The following SP140 variants were observed in gnomAD, a reference collection of about 807,000 sequenced individuals.
SP140 encodes SP140 nuclear body protein, also known as nuclear body protein SP140.
A neutral mutation model predicts 125.0 loss-of-function variants in SP140; 81 were observed. The ratio of observed to expected loss-of-function variants is 0.65; its 90% CI spans 0.54 to 0.78. SP140 has a LOEUF of 0.78. Among genes scored for constraint, SP140 ranks in the 30% least tolerant of loss-of-function variants. SP140 has a pLI of 0.00. For missense variants in SP140, 858 were observed against 1,037.0 expected (o/e 0.83, Z 2.37); for synonymous variants, 312 against 354.0 (o/e 0.88, Z 1.33).
At chr2:230,305,659 C>T (rs1229711825) in intron 22 of SP140, among the ~76,000 whole-genome samples, 1 of 152,344 alleles carries the variant, frequency 6.6e-6, no homozygotes, top group African/African-American at 2.4e-5. Flanking sequence ...CACTTGCACA[C>T]GTAGCGTGGG....
chr2:230,201,020 C>T (rs2043131541), upstream of SP140: 3 of 1,377,936 alleles, frequency 2.2e-6, no homozygotes, highest in Admixed American at 3.3e-5. Flanking sequence ...TGGAGAATCT[C>T]CCAGAGACCC....
Position 230,211,562 on chromosome 2 carries a change from AG to A in SP140, c.-322-2090del. On this transcript the variant is annotated intron_variant, in intron 1 of 4. Transcript: ENST00000456542. This position sits in a 1 kb window ranked among gnomAD's most constrained non-coding sequence, Gnocchi z 4.2. ...CAGGTTGTCACTGGCCACTGAATGGAGGAAGAAAAAGTTTTAGATCTCAGGA... is the reference window on the plus strand; with the variant it reads ...CAGGTTGTCACTGGCCACTGAATGGAGAAGAAAAAGTTTTAGATCTCAGGA... The A allele has an allele frequency of 6.4e-7, 1 of 1,558,228 alleles. No homozygotes were observed. The highest frequency in any genetic ancestry group is 2.2e-5 in the East Asian group (1 of 44,610).
intron 17 of SP140, 43 bp downstream of exon 17, chr2:230,285,875 A>G: frequency 6.8e-7 from 1 of 1,469,346 alleles, no homozygotes; most frequent in Non-Finnish European, 9.5e-7. Context: ...CTACAGGTCA[A>G]TACAAATTTT....
At position 230,216,725 on chromosome 2, in the gene SP140, T is replaced by G. The variant is rs2045222054; in HGVS notation, c.-91+2651T>G. On this transcript the variant is annotated intron_variant, in intron 3 of 4. Coordinates refer to the SP140 transcript ENST00000456542. ...GGTGGTTTGTGGTTTGAGACTTTAATAATCAGGCATATTGGTGGGGGCTGG... is the reference window on the plus strand; with the variant it reads ...GGTGGTTTGTGGTTTGAGACTTTAAGAATCAGGCATATTGGTGGGGGCTGG... 3.1e-6 allele frequency: 5 copies of G among 1,604,192 alleles called. No homozygotes were observed. The Admixed American group carries it at 8.3e-5, about 27-fold the overall frequency.
chr2:230,250,881 TG>T, intron 9 of SP140, 99 bp from the exon 10 acceptor site: 1 of 1,340,410 alleles, frequency 7.5e-7, no homozygotes, highest in Non-Finnish European at 1.1e-6. Flanking sequence ...CAGGAGGGCC[TG>T]GGTGATGGAC....
At chr2:230,267,381 T>C (rs1235515877) in intron 12 of SP140, among the ~76,000 whole-genome samples, 1 of 152,236 alleles carries the variant, frequency 6.6e-6, no homozygotes, top group Non-Finnish European at 1.5e-5. Flanking sequence ...GGTAGTTCTA[T>C]TTGCAGAATA....
upstream of SP140, among the ~76,000 whole-genome samples, chr2:230,222,938 T>C (rs978441411): frequency 3.0e-4 from 46 of 151,802 alleles, no homozygotes; most frequent in African/African-American, 9.7e-4. Context: ...GATTCATCTC[T>C]GTTGTTGTGG....
Position 230,248,065 on chromosome 2 carries a change from G to T in SP140, c.892G>T (p.Glu298Ter). 6.2e-7 allele frequency: 1 copy of T among 1,613,066 alleles called. No homozygotes were observed. The highest frequency in any genetic ancestry group is 8.5e-7 in the Non-Finnish European group (1 of 1,179,544). The change falls in exon 8 of 27, where the codon GAG (glutamate) becomes TAG (stop). Residue 298 changes from glutamate to a stop codon, truncating the protein, a stop_gained and splice_region_variant. Coordinates refer to ENST00000392045, the MANE Select transcript of SP140 (RefSeq NM_007237.5). LOFTEE classifies it high-confidence loss of function. ...AGAGAGTCCAGAGGGAAGAGACAAA[G>T]GTAGGAACAGAAGAAGCAGAGACAT... Reference protein sequence around the residue: ...YQESPEGRDKETFDLKTPQVT... With the variant: ...YQESPEGRDK
chr2:230,245,149 C>G, intron 6 of SP140, 69 bp downstream of exon 6: 2 of 986,244 alleles, frequency 2.0e-6, no homozygotes, highest in South Asian at 1.4e-5. Context: ...ACCAACACTT[C>G]CTTCTCTCTC....
At chr2:230,207,293 G>C (rs1166534248) in intron 1 of SP140, among the ~76,000 whole-genome samples, 2 of 152,116 alleles carry the variant, frequency 1.3e-5, no homozygotes, top group African/African-American at 4.8e-5. Flanking sequence ...CATTGCCTTT[G>C]GGTTTGTGTA....
At chr2:230,263,385 A>G (rs2052583691) in intron 12 of SP140, among the ~76,000 whole-genome samples, 1 of 152,062 alleles carries the variant, frequency 6.6e-6, no homozygotes, top group Non-Finnish European at 1.5e-5. Context: ...AAGGCAGCAG[A>G]TGGTTGGTGA....
intron 1 of SP140, among the ~76,000 whole-genome samples, chr2:230,235,560 A>G (rs903159077): frequency 6.6e-6 from 1 of 152,166 alleles, no homozygotes; most frequent in Admixed American, 6.5e-5. Context: ...CCTCTATTCT[A>G]TCCTGATGCA....
chr2:230,243,225 T>C (rs1198826221), intron 4 of SP140, among the ~76,000 whole-genome samples: 1 of 152,210 alleles, frequency 6.6e-6, no homozygotes, highest in Admixed American at 6.5e-5. Context: ...TGTCCCACTA[T>C]CCTCCATTTA....
upstream of SP140, among the ~76,000 whole-genome samples, chr2:230,225,128 T>A (rs1004626414): frequency 2.0e-4 from 30 of 152,176 alleles, no homozygotes; most frequent in African/African-American, 6.8e-4. Flanking sequence ...TCCTCAAGAT[T>A]TCAGTGAAAT....
intron 15 of SP140, among the ~76,000 whole-genome samples, chr2:230,277,997 C>T (rs2054976233): frequency 6.6e-6 from 1 of 151,956 alleles, no homozygotes. Flanking sequence ...AAATTCATAC[C>T]CCAAAGTGAG....
chr2:230,244,591 C>T lies in SP140; in HGVS notation c.572-397C>T, dbSNP rs79783171. Among the ~76,000 whole-genome samples, 12 of 151,918 alleles carry T rather than the reference C, an allele frequency of 7.9e-5. No individual in the cohort carries two copies. The South Asian group carries it at 1.2e-3, about 16-fold the overall frequency. ...CAGAGCAGGGAAAAGCAGAGAGAAA[C>T]GGTAAGATTGGAATCTGCCATGTGG... On this transcript the variant is annotated intron_variant, in intron 5 of 26. Coordinates refer to ENST00000392045, the MANE Select transcript of SP140 (RefSeq NM_007237.5).
At chr2:230,215,627 GA>G (rs2045065585) in intron 3 of SP140, among the ~76,000 whole-genome samples, 1 of 152,180 alleles carries the variant, frequency 6.6e-6, no homozygotes, top group African/African-American at 2.4e-5. Context: ...TCCTTGCCTA[GA>G]GGATGGACAA....
At chr2:230,260,365 G>A (rs943549669) in intron 12 of SP140, among the ~76,000 whole-genome samples, 1 of 152,204 alleles carries the variant, frequency 6.6e-6, no homozygotes, top group African/African-American at 2.4e-5. Flanking sequence ...TGTATAGATT[G>A]TGAAGATTTT....
At chr2:230,250,869 G>A in intron 9 of SP140, 112 bp from the exon 10 acceptor site, 1 of 1,167,596 alleles carries the variant, frequency 8.6e-7, no homozygotes, top group Non-Finnish European at 1.2e-6. Context: ...CCACCTACAG[G>A]CCAGGAGGGC....
Sources: gnomAD v4.1 joint callset for allele counts (sites outside exome capture counted in the v4.1 genomes callset) on GRCh38, gnomAD v4.1.1 for gene constraint, Gnocchi (gnomAD v3.1) non-coding constraint, MANE v1.5 for transcripts, NCBI Gene and HGNC (gene_info 2026-07-23, HGNC 2026-07-21) for gene names.